Variants in LRRC37A2 observed in about 807,000 individuals in gnomAD.
LRRC37A2 encodes the protein leucine-rich repeat-containing protein 37A2.
LRRC37A2 carries 9 observed loss-of-function variants against 68.8 expected under a neutral mutation model. The observed-to-expected ratio is 0.13, with a 90% CI of 0.08 to 0.23. The LOEUF (loss-of-function observed/expected upper bound fraction) is 0.23, where lower values mean the gene tolerates loss of function less well. Ranked by LOEUF, LRRC37A2 falls within the 10% of genes least tolerant of loss-of-function variation. LRRC37A2 has a pLI of 1.00. For synonymous variants in LRRC37A2, 63 were observed against 367.6 expected (o/e 0.17, Z 9.48); for missense variants, 168 against 950.4 (o/e 0.18, Z 10.82).
the LRRC37A2 span, among the ~76,000 whole-genome samples, chr17:46,829,532 C>T: frequency 5.3e-5 from 8 of 152,174 alleles, no homozygotes; most frequent in African/African-American, 1.2e-4. Flanking sequence ...CTCCCCTCTG[C>T]CCTTCATTCT....
chr17:46,979,243 G>A, the LRRC37A2 span: 2 of 401,834 alleles, frequency 5.0e-6, no homozygotes, highest in Non-Finnish European at 9.0e-6. Context: ...TGGAGCCGGA[G>A]AACCTAGTGT....
chr17:46,631,082 A>ACACG, the LRRC37A2 span, among the ~76,000 whole-genome samples: 1 of 142,080 alleles, frequency 7.0e-6, no homozygotes, highest in Admixed American at 7.0e-5. Context: ...ACACACACAC[A>ACACG]CACACACACA....
At chr17:47,004,482 C>T in the LRRC37A2 span, among the ~76,000 whole-genome samples, 1 of 152,234 alleles carries the variant, frequency 6.6e-6, no homozygotes, top group Non-Finnish European at 1.5e-5. Flanking sequence ...CACAGTCCCA[C>T]TGGGGGCCTC....
the LRRC37A2 span, among the ~76,000 whole-genome samples, chr17:46,870,438 T>G: frequency 3.3e-5 from 5 of 151,892 alleles, no homozygotes; most frequent in Non-Finnish European, 7.4e-5. Context: ...CCTGGTGGAC[T>G]GGAAAATTAC....
chr17:46,966,586 AG>A, the LRRC37A2 span: 2 of 691,286 alleles, frequency 2.9e-6, no homozygotes, highest in South Asian at 3.0e-5. Context: ...TGAGCTCAAG[AG>A]ATCCTCCTGC....
chr17:46,937,347 A>G, the LRRC37A2 span: 1 of 152,254 alleles, frequency 6.6e-6, no homozygotes, highest in Admixed American at 6.5e-5. Flanking sequence ...ATAGGTTGGT[A>G]TCAATGATTA....
At chr17:46,851,605 A>T in the LRRC37A2 span, 5 of 1,200,108 alleles carry the variant, frequency 4.2e-6, no homozygotes, top group Non-Finnish European at 5.2e-6. This position sits in a 1 kb window ranked among gnomAD's most constrained non-coding sequence, Gnocchi z 4.3. Context: ...GAGCGGCGCG[A>T]GGAGATGCTA....
chr17:46,931,608 A>G, the LRRC37A2 span: 7 of 295,760 alleles, frequency 2.4e-5, no homozygotes, highest in African/African-American at 1.3e-4. Context: ...ATGCTGATCT[A>G]ATGTTTGATA....
chr17:46,541,440 C>A (rs1351999933), intron 8 of LRRC37A2, among the ~76,000 whole-genome samples: 7 of 148,792 alleles, frequency 4.7e-5, no homozygotes, highest in Non-Finnish European at 7.4e-5. Flanking sequence ...TTAGTAGAGA[C>A]AAGGTTTCGC....
the LRRC37A2 span, among the ~76,000 whole-genome samples, chr17:46,837,076 A>G: frequency 8.6e-5 from 13 of 151,898 alleles, no homozygotes; most frequent in East Asian, 1.9e-4. Context: ...CCAAGTAGCT[A>G]GGACTACAGG....
chr17:46,708,827 T>G, the LRRC37A2 span, among the ~76,000 whole-genome samples: 1 of 114,770 alleles, frequency 8.7e-6, no homozygotes, highest in African/African-American at 3.4e-5. Flanking sequence ...TATATATTTT[T>G]TTTTTTTTTT....
the LRRC37A2 span, among the ~76,000 whole-genome samples, chr17:46,825,697 A>G: frequency 7.2e-5 from 11 of 152,314 alleles, no homozygotes; most frequent in African/African-American, 2.6e-4. Context: ...ACAGTCATTC[A>G]TCAGAGGACC....
the LRRC37A2 span, chr17:46,938,958 AC>A: frequency 6.8e-7 from 1 of 1,471,206 alleles, no homozygotes; most frequent in Non-Finnish European, 9.0e-7. Context: ...TAGTGCCACC[AC>A]CATGCGCGGT....
At chr17:46,942,832 A>G in the LRRC37A2 span, among the ~76,000 whole-genome samples, 15,362 of 152,176 alleles carry the variant, frequency 0.1, 848 homozygotes, top group African/African-American at 0.12. Flanking sequence ...TTCATTTCAT[A>G]TGGAAGGCAC....
At chr17:46,847,679 T>C in the LRRC37A2 span, among the ~76,000 whole-genome samples, 35 of 152,178 alleles carry the variant, frequency 2.3e-4, no homozygotes, top group Admixed American at 2.2e-3. Flanking sequence ...TCGGAGCTGC[T>C]GGGGCATCAT....
chr17:46,744,182 T>C, the LRRC37A2 span, among the ~76,000 whole-genome samples: 1 of 152,210 alleles, frequency 6.6e-6, no homozygotes, highest in Non-Finnish European at 1.5e-5. Flanking sequence ...CCCAGCTAAG[T>C]TGTAACTTAT....
At chr17:46,972,203 C>T in the LRRC37A2 span, among the ~76,000 whole-genome samples, 1 of 152,222 alleles carries the variant, frequency 6.6e-6, no homozygotes, top group African/African-American at 2.4e-5. Flanking sequence ...AGGCGAGACC[C>T]TGGCTTCCTG....
chr17:46,709,358 A>G, the LRRC37A2 span, among the ~76,000 whole-genome samples: 1 of 152,160 alleles, frequency 6.6e-6, no homozygotes, highest in African/African-American at 2.4e-5. Context: ...AAATGAAATT[A>G]TGGGATATGT....
At chr17:46,539,865 A>G (rs141199219) in intron 6 of LRRC37A2, among the ~76,000 whole-genome samples, 10,885 of 133,188 alleles carry the variant, frequency 0.082, 1 homozygote, top group Middle Eastern at 0.13. Flanking sequence ...CTCCACAGTC[A>G]GGGCTTCCTA....
Sources: gnomAD v4.1 joint callset for allele counts (sites outside exome capture counted in the v4.1 genomes callset) on GRCh38, gnomAD v4.1.1 for gene constraint, Gnocchi (gnomAD v3.1) non-coding constraint, MANE v1.5 for transcripts, NCBI Gene and HGNC (gene_info 2026-07-23, HGNC 2026-07-21) for gene names.